DNM1: variants seen among roughly 807,000 people sequenced by gnomAD.
DNM1 encodes dynamin 1.
A neutral mutation model predicts 104.6 loss-of-function variants in DNM1; 29 were observed. That is an observed-to-expected ratio of 0.28 (90% CI 0.21 to 0.38). The LOEUF is 0.38. Among genes scored for constraint, DNM1 ranks in the 10% least tolerant of loss-of-function variants. DNM1 has a pLI of 1.00. For missense variants in DNM1, 640 were observed against 1,189.4 expected, an observed-to-expected ratio of 0.54 and a Z score of 6.79; for synonymous variants, 445 against 475.8, an observed-to-expected ratio of 0.94 and a Z score of 0.84.
In DNM1 at chr9:128,253,463, A is replaced by C; in HGVS notation, c.2535-1191A>C. On this transcript the variant is annotated intron_variant, in intron 21 of 21. Transcript: ENST00000372923. The surrounding 1 kb of genome is among the most constrained non-coding windows in gnomAD (Gnocchi z 5.9). ...CAGAGAGCTCGTGGTTTATGGTGTAAAGGCTGGGAGCTTGGAGGGGGTCGT... is the reference window on the plus strand; with the variant it reads ...CAGAGAGCTCGTGGTTTATGGTGTACAGGCTGGGAGCTTGGAGGGGGTCGT... 1 of 397,416 alleles carries C rather than the reference A, an allele frequency of 2.5e-6. No individual in the cohort carries two copies. Among genetic ancestry groups the C allele is most frequent in the East Asian group, 5.0e-5 (1 of 19,846 alleles). 24.6% of individuals were successfully genotyped at this position (397,416 alleles called of 1,614,324 possible). A position where few individuals can be genotyped will look rare whatever the true frequency, so the allele number is the denominator to read the frequency against.
chr9:128,221,034 T>G (rs551787901), intron 6 of DNM1: 1 of 139,444 alleles, frequency 7.2e-6, no homozygotes, highest in East Asian at 1.9e-4. Flanking sequence ...TCTTTCTTTC[T>G]TTCTCTCTTT....
intron 21 of DNM1, chr9:128,252,638 G>A (rs1034187956): frequency 7.2e-6 from 3 of 417,874 alleles, no homozygotes; most frequent in Admixed American, 2.7e-5. Context: ...GACTTGTTGG[G>A]GCTCAATGCT....
At chr9:128,219,335 G>C (rs1564329001) in intron 4 of DNM1, 83 bp downstream of exon 4, 33 of 1,260,334 alleles carry the variant, frequency 2.6e-5, no homozygotes, top group South Asian at 2.6e-4. Context: ...GCCTCTGAAC[G>C]GTCTAAGAAT....
At chr9:128,229,111 T>C (rs1835510614) in intron 10 of DNM1, among the ~76,000 whole-genome samples, 2 of 152,098 alleles carry the variant, frequency 1.3e-5, no homozygotes, top group South Asian at 4.1e-4. Flanking sequence ...ATTAAAATGT[T>C]TATATAGGCT....
intron 10 of DNM1, chr9:128,226,138 G>A (rs761113528): frequency 6.2e-7 from 1 of 1,612,848 alleles, no homozygotes; most frequent in Non-Finnish European, 8.5e-7. Context: ...GGTAGTCAGT[G>A]AGCTCACAGC....
At chr9:128,216,397 C>G (rs1328519235) in intron 1 of DNM1, among the ~76,000 whole-genome samples, 2 of 152,216 alleles carry the variant, frequency 1.3e-5, no homozygotes, top group Non-Finnish European at 2.9e-5. Context: ...AAATGATAAT[C>G]TCTATATCAG....
rs1829651380 is a variant in DNM1 at position 128,253,413 on chromosome 9, T to C, written c.2535-1241T>C. 9.4e-6 allele frequency: 5 copies of C among 533,554 alleles called. No homozygotes were observed. The South Asian group carries it at 1.1e-4, about 12-fold the overall frequency. The allele number at this position is 533,554 out of a possible 1,614,324, so 33.1% of individuals were successfully genotyped here. A position where few individuals can be genotyped will look rare whatever the true frequency, so the allele number is the denominator to read the frequency against. ...CCGCGCCCAAGCTGGCAGACATGGG[T>C]GCTCTCTGGAGCCGTCAGAGAGGGC... is the stretch of plus-strand genomic sequence containing the variant. On this transcript the variant is annotated intron_variant, in intron 21 of 21. Transcript: ENST00000372923. This position sits in a 1 kb window ranked among gnomAD's most constrained non-coding sequence, Gnocchi z 5.9.
chr9:128,239,750 A>C lies in DNM1; in HGVS notation c.1516A>C (p.Met506Leu). 6.2e-7 allele frequency: 1 copy of C among 1,613,920 alleles called. No individual in the cohort carries two copies. The highest frequency in any genetic ancestry group is 1.3e-5 in the African/African-American group (1 of 75,012). The change falls in exon 13 of 22, where the codon ATG becomes CTG. Residue 506 changes from methionine (M) to leucine (L), a missense_variant. Physicochemically the swap from Met to Leu is conservative, Grantham distance 15 (BLOSUM62 2). Around this residue, in one of 7 missense-constraint regions of DNM1, gnomAD observed 91 missense variants for 256.3 expected, o/e 0.36. Transcript: ENST00000372923. Reference sequence around the variant, plus strand: ...TAGTGCTCAGCAGAGGAGCAACCAGATGAACAAGAAGAAGACTTCAGGGAA... The same window carrying C: ...TAGTGCTCAGCAGAGGAGCAACCAGCTGAACAAGAAGAAGACTTCAGGGAA... ...FANAQQRSNQ[M>L]NKKKTSGNQD... is the part of the protein sequence containing the mutation.
intron 20 of DNM1, 23 bp downstream of exon 20, chr9:128,250,379 C>T (rs200448005): frequency 1.3e-6 from 2 of 1,545,214 alleles, no homozygotes; most frequent in East Asian, 2.4e-5. Flanking sequence ...GCCCCCACGG[C>T]CCCAAAGCCC....
At chr9:128,204,587 A>C (rs1030421590) in intron 1 of DNM1, among the ~76,000 whole-genome samples, 2 of 152,036 alleles carry the variant, frequency 1.3e-5, no homozygotes, top group African/African-American at 4.8e-5. Context: ...CTCCCCACAA[A>C]CCCCCAAAGG....
rs772875791 is a variant in DNM1, at chr9:128,254,706, G to A, written c.2587G>A (p.Asp863Asn). 6 of 1,595,986 alleles carry A rather than the reference G, an allele frequency of 3.8e-6. No individual in the cohort carries two copies. Among genetic ancestry groups the A allele is most frequent in the East Asian group, 2.2e-5 (1 of 44,856 alleles). ...TCCTGAGAGCCCCAGGCCCCCCTTC[G>A]ACCTCTAAACAGATCCCTCCTCTTC... ...SRPESPRPPFDL is the reference protein window; with the variant it reads ...SRPESPRPPFNL Residue 863 changes from aspartate to asparagine, a missense_variant, in exon 22 of 22, where the codon GAC becomes AAC. By Grantham distance (23) the Asp-to-Asn change is conservative. Coordinates refer to ENST00000372923, the MANE Select transcript of DNM1 (RefSeq NM_004408.4). This position sits in a 1 kb window ranked among gnomAD's most constrained non-coding sequence, Gnocchi z 6.1.
intron 21 of DNM1, chr9:128,251,614 GC>G (rs1248306404): frequency 6.8e-6 from 1 of 147,750 alleles, no homozygotes; most frequent in African/African-American, 2.7e-5. Flanking sequence ...CAAACTGATG[GC>G]TTTTTTCCTC....
At chr9:128,227,438 G>C (rs1835417470) in intron 10 of DNM1, among the ~76,000 whole-genome samples, 1 of 141,554 alleles carries the variant, frequency 7.1e-6, no homozygotes, top group African/African-American at 2.6e-5. Context: ...CTGGAGTGCA[G>C]TGGCACGATC....
In DNM1 at chr9:128,247,579, A is replaced by G. The variant is rs1836904453; in HGVS notation, c.1893+93A>G. ...GATGCCAAGTCATGCCATGTTTCCGAGCCCTTATTTGGCTCAGAAATAATA... is the reference window on the plus strand; with the variant it reads ...GATGCCAAGTCATGCCATGTTTCCGGGCCCTTATTTGGCTCAGAAATAATA... On this transcript the variant is annotated intron_variant, in intron 17 of 21. Transcript: ENST00000372923. The surrounding 1 kb of genome is among the most constrained non-coding windows in gnomAD (Gnocchi z 5.1). The G allele has an allele frequency of 9.2e-7, 1 of 1,087,710 alleles. No homozygotes were observed. The highest frequency in any genetic ancestry group is 1.4e-6 in the Non-Finnish European group (1 of 733,216). 67.4% of individuals were successfully genotyped at this position (1,087,710 alleles called of 1,614,324 possible).
At chr9:128,206,104 G>A (rs1165975646) in intron 1 of DNM1, among the ~76,000 whole-genome samples, 4 of 152,134 alleles carry the variant, frequency 2.6e-5, no homozygotes, top group Non-Finnish European at 2.9e-5. Flanking sequence ...TCCCTCAAGG[G>A]CTCCTGACCT....
chr9:128,211,538 T>A (rs1359025432), intron 1 of DNM1, among the ~76,000 whole-genome samples: 3 of 133,426 alleles, frequency 2.2e-5, no homozygotes, highest in East Asian at 5.2e-4. Context: ...CAGGCTGGTC[T>A]CAAACTTCTG....
chr9:128,233,985 G>C (rs371894124), intron 10 of DNM1, 36 bp from the exon 11 acceptor site: 12 of 1,545,628 alleles, frequency 7.8e-6, no homozygotes, highest in African/African-American at 2.7e-5. Context: ...CGTGCCCTCT[G>C]TGTACGTGGC....
At position 128,248,531 on chromosome 9, in the gene DNM1, G is replaced by C; in HGVS notation, c.1906-52G>C. On this transcript the variant is annotated intron_variant, in intron 18 of 21. Transcript: ENST00000372923. This position sits in a 1 kb window ranked among gnomAD's most constrained non-coding sequence, Gnocchi z 5.6. Reference sequence around the variant, plus strand: ...GGGGCTGAGATCCTGGGGATGCCTGGAGCCTGGCTGCATGGCCTGGCCACC... The same window carrying C: ...GGGGCTGAGATCCTGGGGATGCCTGCAGCCTGGCTGCATGGCCTGGCCACC... 1 of 1,591,758 alleles carries C rather than the reference G, an allele frequency of 6.3e-7. No individual in the cohort carries two copies. The highest frequency in any genetic ancestry group is 8.6e-7 in the Non-Finnish European group (1 of 1,164,366).
chr9:128,235,493 CAA>C (rs1273191948), intron 11 of DNM1, among the ~76,000 whole-genome samples: 6 of 112,176 alleles, frequency 5.3e-5, no homozygotes, highest in Admixed American at 2.8e-4. Context: ...GACTCCGTCT[CAA>C]AAAAAAAAAA....
Sources: allele counts gnomAD v4.1 joint callset (sites outside exome capture counted in the v4.1 genomes callset), GRCh38; gene constraint gnomAD v4.1.1; regional missense constraint gnomAD v4.1.1; non-coding constraint Gnocchi (gnomAD v3.1); transcripts MANE v1.5; gene names NCBI Gene and HGNC (gene_info 2026-07-23, HGNC 2026-07-21).